The following AGK variants were observed in gnomAD, a reference collection of about 807,000 sequenced individuals.
AGK encodes acylglycerol kinase.
Under a neutral mutation model 66.4 loss-of-function variants are expected in AGK, and 52 were observed. That is an observed-to-expected ratio of 0.78 (90% CI 0.63 to 0.99). AGK has a LOEUF of 0.99. Among genes scored for constraint, AGK ranks in the 50% least tolerant of loss-of-function variants. The pLI, the probability that AGK is intolerant of heterozygous loss-of-function variation, is 0.00. For synonymous variants in AGK, 182 were observed against 181.1 expected (o/e 1.00, Z -0.04); for missense variants, 451 against 506.6 (o/e 0.89, Z 1.05).
intron 2 of AGK, among the ~76,000 whole-genome samples, chr7:141,557,148 T>C (rs1011842758): frequency 3.9e-5 from 6 of 152,222 alleles, no homozygotes; most frequent in Admixed American, 2.6e-4. Flanking sequence ...GAGATTCATA[T>C]TGATATTTTG....
intron 9 of AGK, among the ~76,000 whole-genome samples, chr7:141,631,063 T>C (rs1456454705): frequency 2.0e-5 from 3 of 152,184 alleles, no homozygotes; most frequent in African/African-American, 7.2e-5. Context: ...GTTTGTGAAA[T>C]TCCAGTGAGG....
intron 1 of AGK, among the ~76,000 whole-genome samples, chr7:141,553,985 ATTGCAAT>A (rs1409881864): frequency 6.6e-6 from 1 of 152,158 alleles, no homozygotes; most frequent in African/African-American, 2.4e-5. Context: ...TAGAAAGTAC[ATTGCAAT>A]TTTAAAAATA....
chr7:141,567,682 T>A (rs1235947060), intron 2 of AGK, among the ~76,000 whole-genome samples: 4 of 152,268 alleles, frequency 2.6e-5, no homozygotes, highest in Non-Finnish European at 4.4e-5. Flanking sequence ...TTTACCAAGC[T>A]TTCCAGCTTC....
intron 5 of AGK, among the ~76,000 whole-genome samples, chr7:141,604,983 A>T (rs2116942438): frequency 6.6e-6 from 1 of 151,586 alleles, no homozygotes; most frequent in South Asian, 2.1e-4. Context: ...TTTTTTAAGA[A>T]CGTCCTTCAG....
At chr7:141,649,456 A>G (rs908397772) in intron 14 of AGK, 123 bp downstream of exon 14, 1 of 742,358 alleles carries the variant, frequency 1.3e-6, no homozygotes, top group Non-Finnish European at 2.3e-6. Flanking sequence ...GGGAATTTCG[A>G]TGTTATTTCT....
chr7:141,582,360 AAGGAATTGC>A (rs1365316253), intron 2 of AGK, among the ~76,000 whole-genome samples: 1 of 151,974 alleles, frequency 6.6e-6, no homozygotes, highest in African/African-American at 2.4e-5. Flanking sequence ...CAGTGGAGAC[AAGGAATTGC>A]AATTCAGAAA....
At chr7:141,608,288 T>G (rs1796506689) in intron 5 of AGK, among the ~76,000 whole-genome samples, 2 of 152,192 alleles carry the variant, frequency 1.3e-5, no homozygotes, top group Admixed American at 1.3e-4. Context: ...GTTATTTTAC[T>G]GCAGATGGTC....
Position 141,653,179 on chromosome 7 carries a change from G to A in AGK, c.*255G>A. On this transcript the variant is annotated 3_prime_UTR_variant, in exon 16 of 16. Coordinates refer to ENST00000649286, the MANE Select transcript of AGK (RefSeq NM_018238.4). ...CCTAAACACGGACTTTCCTCAGGCTGGTTCAAGACGGAAAAGGACTTTCTT... is the reference window on the plus strand; with the variant it reads ...CCTAAACACGGACTTTCCTCAGGCTAGTTCAAGACGGAAAAGGACTTTCTT... The A allele has an allele frequency of 2.3e-6, 1 of 425,814 alleles. No homozygotes were observed. Among genetic ancestry groups the A allele is most frequent in the Non-Finnish European group, 4.3e-6 (1 of 231,828 alleles). 26.4% of individuals were successfully genotyped at this position (425,814 alleles called of 1,614,324 possible). A position where few individuals can be genotyped will look rare whatever the true frequency, so the allele number is the denominator to read the frequency against.
At chr7:141,630,999 A>G (rs569079057) in intron 9 of AGK, among the ~76,000 whole-genome samples, 1 of 152,158 alleles carries the variant, frequency 6.6e-6, no homozygotes, top group Non-Finnish European at 1.5e-5. Flanking sequence ...GGGTTCCATC[A>G]ATACTGAGTG....
At chr7:141,552,234 T>C (rs568966243) in intron 1 of AGK, among the ~76,000 whole-genome samples, 15 of 152,386 alleles carry the variant, frequency 9.8e-5, no homozygotes, top group Non-Finnish European at 1.9e-4. Context: ...TTTTTCATTC[T>C]GCTATAAAGT....
chr7:141,652,791 C>T lies in AGK; in HGVS notation c.1136C>T (p.Ala379Val), dbSNP rs753299373. ...TGAATATTCTCTTCTCCCCAGGGAG[C>T]AGGGGGCTCTTTTAGCATTGACAGT... The part of the protein sequence containing the change: ...SQCTLLIPEG[A>V]GGSFSIDSEE... Residue 379 changes from alanine to valine, a missense_variant, in exon 16 of 16, where the codon GCA (alanine) becomes GTA (valine). Transcript: ENST00000649286. 6 of 1,612,966 alleles carry T rather than the reference C, an allele frequency of 3.7e-6. No homozygotes were observed. Among genetic ancestry groups the T allele is most frequent in the Non-Finnish European group, 5.1e-6 (6 of 1,179,968 alleles).
rs1562966773 is a variant in AGK at position 141,591,085 on chromosome 7, T to TTG, written c.102-2060_102-2059insGT. 1.3e-4 allele frequency among the ~76,000 whole-genome samples: 15 copies of TTG among 115,994 alleles called. 1 individual carries two copies. Among genetic ancestry groups the TTG allele is most frequent in the African/African-American group, 5.7e-4 (15 of 26,174 alleles). 76.1% of individuals were successfully genotyped at this position (115,994 alleles called of 152,430 possible). On this transcript the variant is annotated intron_variant, in intron 2 of 15. Coordinates refer to ENST00000649286, the MANE Select transcript of AGK (RefSeq NM_018238.4). ...AGTAAAACATGGTTCTTAAGTTGTT[T>TTG]TTTTTTTTTTTTTTTTTTTTTTTTG...
chr7:141,576,117 A>G (rs1333322021), intron 2 of AGK, among the ~76,000 whole-genome samples: 4 of 152,132 alleles, frequency 2.6e-5, no homozygotes, highest in Non-Finnish European at 5.9e-5. Context: ...TAAATATACC[A>G]CTAACTAAAG....
At chr7:141,589,594 C>G (rs946682226) in intron 2 of AGK, among the ~76,000 whole-genome samples, 6 of 150,822 alleles carry the variant, frequency 4.0e-5, no homozygotes, top group Admixed American at 2.0e-4. Flanking sequence ...GAGTTTCGCT[C>G]TTGTTGCCCA....
rs1796232349 is a variant in AGK at position 141,596,589 on chromosome 7, A to T, written c.169A>T (p.Asn57Tyr). 1 of 1,613,928 alleles carries T rather than the reference A, an allele frequency of 6.2e-7. No homozygotes were observed. The highest frequency in any genetic ancestry group is 8.5e-7 in the Non-Finnish European group (1 of 1,179,962). Residue 57 changes from asparagine (N) to tyrosine (Y), a missense_variant, in exon 4 of 16, where the codon AAT (asparagine) becomes TAT (tyrosine). Asn to Tyr is a moderately radical substitution (Grantham distance 143, BLOSUM62 -2). Transcript: ENST00000649286. ...GTTTGGCAATCAACTCATTCCTCCC[A>T]ATGCACAAGTGAAGAAGGCCACTGT... is the stretch of plus-strand genomic sequence containing the variant. Reference protein sequence around the residue: ...QVFGNQLIPPNAQVKKATVFL... With the variant: ...QVFGNQLIPPYAQVKKATVFL...
chr7:141,651,992 G>T (rs1218890925), intron 15 of AGK, among the ~76,000 whole-genome samples: 2 of 152,126 alleles, frequency 1.3e-5, no homozygotes, highest in African/African-American at 2.4e-5. Context: ...TTTTATAAAG[G>T]ATCTGGAAGC....
intron 5 of AGK, among the ~76,000 whole-genome samples, chr7:141,606,495 T>A (rs34605688): frequency 0.012 from 1,848 of 152,322 alleles, 16 homozygotes; most frequent in Non-Finnish European, 0.02. Flanking sequence ...TAGACTTTAT[T>A]TTTTAGAGCA....
chr7:141,611,090 A>G, intron 5 of AGK, 105 bp from the exon 6 acceptor site: 1 of 619,984 alleles, frequency 1.6e-6, no homozygotes, highest in South Asian at 2.3e-5. Context: ...AAAATTTACG[A>G]AGACAGTCAA....
chr7:141,571,615 TC>T (rs1035749737), intron 2 of AGK, among the ~76,000 whole-genome samples: 3 of 152,220 alleles, frequency 2.0e-5, no homozygotes, highest in Non-Finnish European at 4.4e-5. Context: ...CCTCATGTGA[TC>T]AGCTTGACCC....
Sources: allele counts gnomAD v4.1 joint callset (sites outside exome capture counted in the v4.1 genomes callset), GRCh38; gene constraint gnomAD v4.1.1; transcripts MANE v1.5; gene names NCBI Gene and HGNC (gene_info 2026-07-23, HGNC 2026-07-21).